Variants in CHEK2 observed in about 807,000 individuals in gnomAD.
The protein encoded by CHEK2 is serine/threonine-protein kinase Chk2.
In CHEK2, 71 loss-of-function variants were observed where a neutral mutation model predicts 69.1. That is an observed-to-expected ratio of 1.03 (90% CI 0.85 to 1.25). CHEK2 has a LOEUF of 1.25. CHEK2 is among the 50% of genes most tolerant of loss of function. The probability of loss-of-function intolerance (pLI) is 0.00; values close to 1 mark genes in which losing one functional copy is unlikely to be tolerated. For missense variants in CHEK2, 664 were observed against 649.6 expected (o/e 1.02, Z -0.24); for synonymous variants, 189 against 226.9 (o/e 0.83, Z 1.50).
chr22:28,730,419 C>G, intron 2 of CHEK2: 1 of 668,514 alleles, frequency 1.5e-6, no homozygotes, highest in Non-Finnish European at 2.7e-6. Context: ...TAACATCATA[C>G]TTAGACTGCA....
intron 7 of CHEK2, among the ~76,000 whole-genome samples, chr22:28,705,968 A>AAAACTAAACT (rs60257889): frequency 0.59 from 86,494 of 147,266 alleles, 26,313 homozygotes; most frequent in Non-Finnish European, 0.68. Flanking sequence ...AACTAAACTA[A>AAAACTAAACT]AAACTAAACT....
intron 8 of CHEK2, among the ~76,000 whole-genome samples, chr22:28,700,584 T>C (rs1350762275): frequency 6.6e-6 from 1 of 152,128 alleles, no homozygotes; most frequent in Non-Finnish European, 1.5e-5. Flanking sequence ...AACAGAATTT[T>C]ACAAACAGAC....
intron 2 of CHEK2, chr22:28,730,321 GGGAAAGGAAA>G (rs1022531094): frequency 1.4e-5 from 6 of 436,250 alleles, no homozygotes; most frequent in Non-Finnish European, 2.4e-5. Context: ...GAAAGCAGAA[GGGAAAGGAAA>G]GGAAAGGAAA....
chr22:28,715,513 G>A (rs994292850), intron 5 of CHEK2, among the ~76,000 whole-genome samples: 6 of 151,966 alleles, frequency 3.9e-5, no homozygotes, highest in African/African-American at 1.2e-4. Flanking sequence ...TCCGCCTCCT[G>A]GGTTCAATCG....
intron 8 of CHEK2, among the ~76,000 whole-genome samples, chr22:28,702,579 C>T (rs1309079159): frequency 7.5e-6 from 1 of 134,108 alleles, no homozygotes; most frequent in Admixed American, 8.2e-5. Context: ...TGGAGTCTCA[C>T]TCTGTGGCCC....
chr22:28,724,643 T>G (rs1233203619), intron 4 of CHEK2: 1 of 367,756 alleles, frequency 2.7e-6, no homozygotes, highest in Non-Finnish European at 5.3e-6. Flanking sequence ...CTTGGCTCAC[T>G]GCAACCTCTG....
At chr22:28,713,138 G>C (rs959502559) in intron 5 of CHEK2, among the ~76,000 whole-genome samples, 1 of 152,130 alleles carries the variant, frequency 6.6e-6, no homozygotes, top group Non-Finnish European at 1.5e-5. Context: ...CATAACATTT[G>C]TGGTACTTCA....
In CHEK2 at chr22:28,730,006, ATTTTG is replaced by A. The variant is rs1209408865; in HGVS notation, c.319+4392_319+4396del. 8.0e-5 allele frequency among the ~76,000 whole-genome samples: 12 copies of A among 150,866 alleles called. No individual in the cohort carries two copies. In the Admixed American group the frequency reaches 8.0e-4, roughly 10 times the overall value. ...AGGCTCCTGCCACCACGCCCGGCTAATTTTGTTTTTGTATTTTTAGTAGAGACGGG... is the reference window on the plus strand; with the variant it reads ...AGGCTCCTGCCACCACGCCCGGCTAATTTTTGTATTTTTAGTAGAGACGGG... On this transcript the variant is annotated intron_variant, in intron 2 of 14. Coordinates refer to ENST00000404276, the MANE Select transcript of CHEK2 (RefSeq NM_007194.4).
At chr22:28,725,449 AG>A (rs781360048) in intron 2 of CHEK2, 82 bp from the exon 3 acceptor site, 13 of 1,513,364 alleles carry the variant, frequency 8.6e-6, no homozygotes, top group Non-Finnish European at 1.2e-5. Context: ...TGCTAATTGT[AG>A]GAAAATAGCC....
chr22:28,712,046 T>C, intron 5 of CHEK2, 29 bp from the exon 6 acceptor site: 1 of 1,530,514 alleles, frequency 6.5e-7, no homozygotes, highest in Non-Finnish European at 9.1e-7. Context: ...ATAGTGATTG[T>C]CTGAATGTTT....
Position 28,734,642 on chromosome 22 carries a change from TG to T in CHEK2, c.79del (p.Gln27SerfsTer34), listed in dbSNP as rs2146153237. ...ACSQPHGSVT[Q>X]SQGSSSQSQG... ...GGACTGTGAGGAGGAGCCTTGGGAC[TG>T]GGTAACGCTGCCATGGGGCTGTGAA... On this transcript the variant is annotated frameshift_variant, in exon 2 of 15. Coordinates refer to ENST00000404276, the MANE Select transcript of CHEK2 (RefSeq NM_007194.4). LOFTEE classifies it high-confidence loss of function. 6.2e-7 allele frequency: 1 copy of T among 1,613,816 alleles called. No homozygotes were observed. Among genetic ancestry groups the T allele is most frequent in the Non-Finnish European group, 8.5e-7 (1 of 1,179,982 alleles).
chr22:28,712,608 T>C (rs1373287022), intron 5 of CHEK2, among the ~76,000 whole-genome samples: 4 of 152,164 alleles, frequency 2.6e-5, no homozygotes, highest in South Asian at 2.1e-4. Context: ...ATACTACTCA[T>C]GGAGGAGGAA....
At chr22:28,714,001 T>TG (rs2053501355) in intron 5 of CHEK2, among the ~76,000 whole-genome samples, 2 of 152,204 alleles carry the variant, frequency 1.3e-5, no homozygotes, top group Admixed American at 6.5e-5. Context: ...TTTTTTAAAT[T>TG]GGGGAATTTA....
intron 7 of CHEK2, among the ~76,000 whole-genome samples, chr22:28,705,529 C>A (rs1360764004): frequency 6.6e-6 from 1 of 152,080 alleles, no homozygotes; most frequent in Non-Finnish European, 1.5e-5. Flanking sequence ...ACCTCTGGTC[C>A]CAGGCGTTTT....
At chr22:28,730,268 A>G (rs1234162367) in intron 2 of CHEK2, among the ~76,000 whole-genome samples, 7 of 125,758 alleles carry the variant, frequency 5.6e-5, no homozygotes, top group Non-Finnish European at 8.5e-5. Context: ...GGAGGGGAGG[A>G]AAGGAAAGCG....
intron 4 of CHEK2, among the ~76,000 whole-genome samples, chr22:28,722,539 C>CAAAAAAAAAAAAA (rs755107963): frequency 1.5e-5 from 1 of 67,922 alleles, no homozygotes; most frequent in Admixed American, 1.6e-4. Flanking sequence ...GACTCCGTCT[C>CAAAAAAAAAAAAA]AAAAAAAAAA....
In CHEK2 at chr22:28,703,511, A is replaced by G. The variant is rs886039739; in HGVS notation, c.902T>C (p.Leu301Ser). The G allele has an allele frequency of 1.4e-6, 2 of 1,459,504 alleles. No individual in the cohort carries two copies. The highest frequency in any genetic ancestry group is 1.9e-6 in the Non-Finnish European group (2 of 1,050,000). 90.4% of individuals were successfully genotyped at this position (1,459,504 alleles called of 1,614,324 possible). A position where few individuals can be genotyped will look rare whatever the true frequency, so the allele number is the denominator to read the frequency against. The change falls in exon 8 of 15, where the codon TTG (leucine) becomes TCG (serine). Residue 301 changes from leucine (L) to serine (S), a missense_variant. Leu to Ser is a moderately radical substitution (Grantham distance 145). Coordinates refer to ENST00000404276, the MANE Select transcript of CHEK2 (RefSeq NM_007194.4). ...FFDAEDYYIV[L>S]ELMEGGELFD... ...TAAAAAGTTTACTACTTACAATTCC[A>G]AAACAATATAATAATCTTCTGCATC...
At chr22:28,731,839 T>C (rs996304309) in intron 2 of CHEK2, among the ~76,000 whole-genome samples, 1 of 152,170 alleles carries the variant, frequency 6.6e-6, no homozygotes, top group African/African-American at 2.4e-5. Flanking sequence ...CTTTGTTTTC[T>C]TACTTTTAAA....
At chr22:28,720,699 G>A (rs2053745060) in intron 4 of CHEK2, among the ~76,000 whole-genome samples, 1 of 152,192 alleles carries the variant, frequency 6.6e-6, no homozygotes, top group South Asian at 2.1e-4. Flanking sequence ...TACACAAGAG[G>A]CAGGCACTTG....
Sources: allele counts gnomAD v4.1 joint callset (sites outside exome capture counted in the v4.1 genomes callset), GRCh38; gene constraint gnomAD v4.1.1; transcripts MANE v1.5; gene names NCBI Gene and HGNC (gene_info 2026-07-23, HGNC 2026-07-21).